SLC26A9: variants seen among roughly 807,000 people sequenced by gnomAD.
The protein encoded by SLC26A9 is solute carrier family 26 member 9.
Under a neutral mutation model 87.1 loss-of-function variants are expected in SLC26A9, and 46 were observed. The ratio of observed to expected loss-of-function variants is 0.53; its 90% confidence interval spans 0.42 to 0.67. The LOEUF (loss-of-function observed/expected upper bound fraction) is 0.67. SLC26A9 is among the 30% of genes least tolerant of loss of function. The pLI is 0.00. For missense variants in SLC26A9, 927 were observed against 1,018.3 expected, an observed-to-expected ratio of 0.91 and a Z score of 1.22; for synonymous variants, 437 against 409.1, an observed-to-expected ratio of 1.07 and a Z score of -0.82.
In SLC26A9 at chr1:205,923,096, A is replaced by G. The variant is rs963446817; in HGVS notation, c.1759T>C (p.Phe587Leu). The change falls in exon 16 of 21, where the codon TTC becomes CTC. Residue 587 changes from phenylalanine to leucine, a missense_variant. Physicochemically the swap from Phe to Leu is conservative, Grantham distance 22 (BLOSUM62 0). Coordinates refer to ENST00000367135, the MANE Select transcript of SLC26A9 (RefSeq NM_052934.4). ...CCTTCATTCACCTTGGTTTTCATGAATAGAGACCTCCTCTGTTGTGTGGGC... is the reference window on the plus strand; with the variant it reads ...CCTTCATTCACCTTGGTTTTCATGAGTAGAGACCTCCTCTGTTGTGTGGGC... ...MRPTQQRRSL[F>L]MKTKTVSLQE... 1.9e-6 allele frequency: 3 copies of G among 1,613,918 alleles called. No individual in the cohort carries two copies. Among genetic ancestry groups the G allele is most frequent in the Non-Finnish European group, 2.5e-6 (3 of 1,180,006 alleles).
chr1:205,917,346 C>T lies in SLC26A9; in HGVS notation c.2265G>A (p.Gly755=). ...TPGHNFQGAP[G]DAELSLYDSE... Reference sequence around the variant, plus strand: ...AGTCGTACAAGGAGAGCTCAGCATCCCCTGGAGCCTGGAAGGGAGGAAGCC... The same window carrying T: ...AGTCGTACAAGGAGAGCTCAGCATCTCCTGGAGCCTGGAAGGGAGGAAGCC... The change falls in exon 20 of 21, where the codon GGG becomes GGA. Residue 755 remains glycine, a synonymous_variant. Coordinates refer to ENST00000367135, the MANE Select transcript of SLC26A9 (RefSeq NM_052934.4). The T allele has an allele frequency of 1.2e-6, 2 of 1,613,996 alleles. No individual in the cohort carries two copies. Among genetic ancestry groups the T allele is most frequent in the Non-Finnish European group, 1.7e-6 (2 of 1,179,958 alleles).
intron 16 of SLC26A9, among the ~76,000 whole-genome samples, chr1:205,922,497 C>T (rs960642554): frequency 1.5e-4 from 23 of 152,342 alleles, no homozygotes; most frequent in Middle Eastern, 3.4e-3. Flanking sequence ...TGCTGTTCCC[C>T]CTCTGGGTTG....
intron 11 of SLC26A9, among the ~76,000 whole-genome samples, 178 bp from the exon 12 acceptor site, chr1:205,926,808 A>C (rs1659090780): frequency 6.6e-6 from 1 of 152,198 alleles, no homozygotes; most frequent in Admixed American, 6.5e-5. Context: ...CGTTAGAGCC[A>C]TGGGGTCCTT....
rs1659181108 is a variant in SLC26A9 at position 205,928,696 on chromosome 1, T to C, written c.953+131A>G. 7 of 812,026 alleles carry C rather than the reference T, an allele frequency of 8.6e-6. No individual in the cohort carries two copies. In the South Asian group the frequency reaches 1.0e-4, roughly 12 times the overall value. 50.3% of individuals were successfully genotyped at this position (812,026 alleles called of 1,614,324 possible). A position where few individuals can be genotyped will look rare whatever the true frequency, so the allele number is the denominator to read the frequency against. ...TCTCAGGAAACGGTAATAGTAATAA[T>C]TCATACATGGTCAGTGTCATACAGT... On this transcript the variant is annotated intron_variant, in intron 8 of 20. Transcript: ENST00000367135.
chr1:205,931,852 C>G lies in SLC26A9; in HGVS notation c.552+8G>C. 1 of 1,611,008 alleles carries G rather than the reference C, an allele frequency of 6.2e-7. No individual in the cohort carries two copies. Among genetic ancestry groups the G allele is most frequent in the Non-Finnish European group, 8.5e-7 (1 of 1,178,590 alleles). On this transcript the variant is annotated splice_region_variant and intron_variant, in intron 5 of 20. Transcript: ENST00000367135. ...CCCTTCTAGCAGGGTTGGGGGCTGC[C>G]CCCTCACCTGGATGATGGCGGTGAG...
At chr1:205,938,806 T>A (rs1335591245) in intron 1 of SLC26A9, among the ~76,000 whole-genome samples, 1 of 152,206 alleles carries the variant, frequency 6.6e-6, no homozygotes, top group Non-Finnish European at 1.5e-5. Context: ...TCTCCCAGGA[T>A]CTCCATGTGC....
rs1467866447 is a variant in SLC26A9 at position 205,937,876 on chromosome 1, AAAC to A, written c.-18-2041_-18-2039del. Among the ~76,000 whole-genome samples, 11 of 135,650 alleles carry A rather than the reference AAAC, an allele frequency of 8.1e-5. No homozygotes were observed. The Admixed American group carries it at 8.5e-4, about 10-fold the overall frequency. 89.0% of individuals were successfully genotyped at this position (135,650 alleles called of 152,430 possible). On this transcript the variant is annotated intron_variant, in intron 1 of 20. Coordinates refer to ENST00000367135, the MANE Select transcript of SLC26A9 (RefSeq NM_052934.4). Reference sequence around the variant, plus strand: ...TTTGGGGAGTCTAGCCCAGGCCACTAAACAGACCACTTGCAAAAAAAAAAATAG... The same window carrying A: ...TTTGGGGAGTCTAGCCCAGGCCACTAAGACCACTTGCAAAAAAAAAAATAG...
chr1:205,930,470 T>C lies in SLC26A9; in HGVS notation c.553-414A>G, dbSNP rs1659259813. On this transcript the variant is annotated intron_variant, in intron 5 of 20. Coordinates refer to ENST00000367135, the MANE Select transcript of SLC26A9 (RefSeq NM_052934.4). ...TCTTTTCAAGTCCAGCCCCATCTCTTTCTCTACCTGGTCTTCGCCTGCATT... is the reference window on the plus strand; with the variant it reads ...TCTTTTCAAGTCCAGCCCCATCTCTCTCTCTACCTGGTCTTCGCCTGCATT... 2.6e-5 allele frequency among the ~76,000 whole-genome samples: 4 copies of C among 152,300 alleles called. No individual in the cohort carries two copies. The South Asian group carries it at 8.3e-4, about 32-fold the overall frequency.
chr1:205,937,364 G>C (rs902716877), intron 1 of SLC26A9, among the ~76,000 whole-genome samples: 23 of 152,172 alleles, frequency 1.5e-4, no homozygotes, highest in African/African-American at 5.3e-4. Context: ...TGTTTTGGAG[G>C]AGACATGGGC....
intron 12 of SLC26A9, among the ~76,000 whole-genome samples, chr1:205,925,989 A>C (rs1446734804): frequency 6.6e-6 from 1 of 152,216 alleles, no homozygotes; most frequent in East Asian, 1.9e-4. Context: ...AATCCTCGGA[A>C]CCAGCGTTTG....
chr1:205,918,882 C>G lies in SLC26A9; in HGVS notation c.2214G>C (p.Gln738His). The change falls in exon 19 of 21, where the codon CAG (glutamine) becomes CAC (histidine). Residue 738 changes from glutamine to histidine, a missense_variant. By Grantham distance (24) the Gln-to-His change is conservative. Coordinates refer to ENST00000367135, the MANE Select transcript of SLC26A9 (RefSeq NM_052934.4). ...PSIHDAVLFA[Q>H]ANARDVTPGH... ...CTGGGGTCACGTCTCTAGCATTTGC[C>G]TGGGCAAAGAGGACTGCGTCATGTA... The G allele has an allele frequency of 1.2e-6, 2 of 1,614,192 alleles. No individual in the cohort carries two copies. Among genetic ancestry groups the G allele is most frequent in the Non-Finnish European group, 8.5e-7 (1 of 1,180,020 alleles).
At chr1:205,940,513 TATC>T (rs1264438795) in intron 1 of SLC26A9, among the ~76,000 whole-genome samples, 1 of 152,178 alleles carries the variant, frequency 6.6e-6, no homozygotes, top group Non-Finnish European at 1.5e-5. Flanking sequence ...AAACTCCAAC[TATC>T]ATCATTACTG....
At chr1:205,932,193 A>T (rs565669694) in intron 4 of SLC26A9, among the ~76,000 whole-genome samples, 158 bp from the exon 5 acceptor site, 1 of 152,220 alleles carries the variant, frequency 6.6e-6, no homozygotes, top group Non-Finnish European at 1.5e-5. Flanking sequence ...CACTCTAACC[A>T]TGATCTATGC....
chr1:205,933,220 G>T, intron 2 of SLC26A9, 136 bp from the exon 3 acceptor site: 2 of 1,318,754 alleles, frequency 1.5e-6, no homozygotes, highest in Non-Finnish European at 2.1e-6. Flanking sequence ...CAGGGATATT[G>T]AGAAGAAAAG....
chr1:205,916,633 G>A (rs113110379), intron 20 of SLC26A9, among the ~76,000 whole-genome samples: 3,356 of 152,284 alleles, frequency 0.022, 135 homozygotes, highest in African/African-American at 0.077. Context: ...GATGGGACAG[G>A]TATTACCTAT....
In SLC26A9 at chr1:205,913,222, A is replaced by C. The variant is rs1334703359; in HGVS notation, c.*2135T>G. 2.6e-5 allele frequency: 4 copies of C among 152,178 alleles called. No individual in the cohort carries two copies. Among genetic ancestry groups the C allele is most frequent in the African/African-American group, 9.7e-5 (4 of 41,434 alleles). The allele number at this position is 152,178 out of a possible 1,614,324, so 9.4% of individuals were successfully genotyped here. A position where few individuals can be genotyped will look rare whatever the true frequency, so the allele number is the denominator to read the frequency against. Reference sequence around the variant, plus strand: ...TTCAAAAGCATTGAAATTCTGGATTATTTCACTACTTTGCCTCCATCTTTC... The same window carrying C: ...TTCAAAAGCATTGAAATTCTGGATTCTTTCACTACTTTGCCTCCATCTTTC... On this transcript the variant is annotated 3_prime_UTR_variant, in exon 21 of 21. Transcript: ENST00000367135.
intron 18 of SLC26A9, among the ~76,000 whole-genome samples, chr1:205,919,897 G>A (rs1041092771): frequency 1.3e-5 from 2 of 152,120 alleles, no homozygotes; most frequent in Non-Finnish European, 2.9e-5. Context: ...CCAAGGATAC[G>A]TGGCAAATTA....
At position 205,923,626 on chromosome 1, in the gene SLC26A9, G is replaced by A. The variant is rs747283848; in HGVS notation, c.1497-13C>T. Reference sequence around the variant, plus strand: ...ATAGCCATTTCGACTGGATGAAGCAGGAAGAGAAAAACATAAGAGAATGCT... The same window carrying A: ...ATAGCCATTTCGACTGGATGAAGCAAGAAGAGAAAAACATAAGAGAATGCT... On this transcript the variant is annotated splice_polypyrimidine_tract_variant and intron_variant, in intron 13 of 20. Transcript: ENST00000367135. The A allele has an allele frequency of 2.5e-6, 4 of 1,614,052 alleles. No individual in the cohort carries two copies. Among genetic ancestry groups the A allele is most frequent in the Non-Finnish European group, 3.4e-6 (4 of 1,180,032 alleles).
chr1:205,917,670 A>G (rs1254715915), intron 19 of SLC26A9, among the ~76,000 whole-genome samples: 1 of 151,960 alleles, frequency 6.6e-6, no homozygotes, highest in Non-Finnish European at 1.5e-5. Flanking sequence ...CTGGGAATAT[A>G]TTTTCTAATC....
Sources: gnomAD v4.1 joint callset for allele counts (sites outside exome capture counted in the v4.1 genomes callset) on GRCh38, gnomAD v4.1.1 for gene constraint, MANE v1.5 for transcripts, NCBI Gene and HGNC (gene_info 2026-07-23, HGNC 2026-07-21) for gene names.